The following TUSC3 variants were observed in gnomAD, a reference collection of about 807,000 sequenced individuals.
TUSC3 encodes the protein tumor suppressor candidate 3.
A neutral mutation model predicts 44.8 loss-of-function variants in TUSC3; 45 were observed. That is an observed-to-expected ratio of 1.00 (90% confidence interval 0.79 to 1.29). TUSC3 has a LOEUF of 1.29. Among genes scored for constraint, TUSC3 ranks in the 50% most tolerant of loss-of-function variants. The pLI is 0.00. For missense variants in TUSC3, 519 were observed against 437.9 expected (o/e 1.19, Z -1.65); for synonymous variants, 212 against 152.9 (o/e 1.39, Z -2.85).
intron 2 of TUSC3, among the ~76,000 whole-genome samples, chr8:15,501,008 A>G (rs1259341052): frequency 6.6e-6 from 1 of 152,200 alleles, no homozygotes; most frequent in African/African-American, 2.4e-5. Context: ...ATAATACCAA[A>G]TAACAGTTTT....
intron 7 of TUSC3, among the ~76,000 whole-genome samples, chr8:15,732,683 ATAAGG>A (rs1372717332): frequency 6.6e-6 from 1 of 152,208 alleles, no homozygotes; most frequent in African/African-American, 2.4e-5. Context: ...TGTATAACTT[ATAAGG>A]TAATACAAAG....
intron 1 of TUSC3, among the ~76,000 whole-genome samples, chr8:15,483,116 A>T (rs1800684166): frequency 6.6e-6 from 1 of 152,222 alleles, no homozygotes; most frequent in Non-Finnish European, 1.5e-5. Flanking sequence ...GGAAGAAAAG[A>T]ATAATTTGAG....
At chr8:15,851,147 T>C in the TUSC3 span, among the ~76,000 whole-genome samples, 526 of 152,356 alleles carry the variant, frequency 3.5e-3, 13 homozygotes, top group Admixed American at 0.03. Context: ...TTTCATCCTC[T>C]GGCCTTCAAA....
intron 1 of TUSC3, among the ~76,000 whole-genome samples, chr8:15,433,494 C>A (rs566085514): frequency 8.8e-4 from 134 of 152,136 alleles, no homozygotes; most frequent in African/African-American, 3.0e-3. Flanking sequence ...CATTATTCCT[C>A]AAATTTCCCT....
intron 1 of TUSC3, among the ~76,000 whole-genome samples, chr8:15,467,486 T>A (rs891485421): frequency 4.6e-5 from 7 of 152,274 alleles, no homozygotes; most frequent in African/African-American, 1.7e-4. Flanking sequence ...ACACTTCTAA[T>A]TTCTAAGCCT....
chr8:15,841,567 G>T, the TUSC3 span, among the ~76,000 whole-genome samples: 1 of 151,954 alleles, frequency 6.6e-6, no homozygotes, highest in East Asian at 1.9e-4. Flanking sequence ...AGGCTAGCGT[G>T]CAGTGGCAGG....
chr8:15,615,477 C>T (rs896923786), intron 1 of TUSC3, among the ~76,000 whole-genome samples: 1 of 152,014 alleles, frequency 6.6e-6, no homozygotes, highest in Non-Finnish European at 1.5e-5. Context: ...GAAAAGTAGG[C>T]AGGAGGGGAG....
intron 1 of TUSC3, among the ~76,000 whole-genome samples, chr8:15,433,916 G>C (rs982044774): frequency 6.6e-5 from 10 of 152,198 alleles, no homozygotes; most frequent in African/African-American, 1.9e-4. Context: ...CATAAAGCTA[G>C]GAATATTTTG....
intron 1 of TUSC3, among the ~76,000 whole-genome samples, chr8:15,445,591 C>G (rs1800085963): frequency 6.6e-6 from 1 of 152,140 alleles, no homozygotes; most frequent in Non-Finnish European, 1.5e-5. Context: ...CCATTTAACC[C>G]TGAGTGGACA....
At chr8:15,673,615 G>C (rs1003691562) in intron 5 of TUSC3, 132 bp from the exon 6 acceptor site, 36 of 767,380 alleles carry the variant, frequency 4.7e-5, no homozygotes, top group South Asian at 9.1e-5. Flanking sequence ...GTTAATAAGT[G>C]AAATTTTTTA....
At chr8:15,444,738 C>T (rs534543875) in intron 1 of TUSC3, among the ~76,000 whole-genome samples, 1 of 151,522 alleles carries the variant, frequency 6.6e-6, no homozygotes, top group South Asian at 2.1e-4. Context: ...TTCTCTAACT[C>T]AGAAATGTAG....
At chr8:15,760,258 C>T (rs1057252336) in intron 10 of TUSC3, among the ~76,000 whole-genome samples, 4 of 152,216 alleles carry the variant, frequency 2.6e-5, no homozygotes, top group Admixed American at 2.0e-4. Flanking sequence ...CCCAGGTCAT[C>T]AAATGTCATC....
At chr8:15,524,027 G>A (rs1025222397) in intron 2 of TUSC3, among the ~76,000 whole-genome samples, 2 of 146,100 alleles carry the variant, frequency 1.4e-5, no homozygotes, top group Non-Finnish European at 3.0e-5. Flanking sequence ...CTGCACTCCA[G>A]CTTGGCAACA....
chr8:15,783,834 A>G, the TUSC3 span, among the ~76,000 whole-genome samples: 79 of 152,338 alleles, frequency 5.2e-4, 1 homozygote, highest in African/African-American at 1.3e-3. Flanking sequence ...AGGACAGGCA[A>G]CAAAAGCAAA....
At chr8:15,831,906 T>C in the TUSC3 span, among the ~76,000 whole-genome samples, 50 of 152,210 alleles carry the variant, frequency 3.3e-4, no homozygotes, top group Non-Finnish European at 6.0e-4. Flanking sequence ...CCAACCTAGC[T>C]AGACAGGCCA....
intron 2 of TUSC3, among the ~76,000 whole-genome samples, chr8:15,523,527 T>C (rs778418729): frequency 2.6e-5 from 4 of 151,628 alleles, no homozygotes; most frequent in Non-Finnish European, 5.9e-5. Flanking sequence ...CATCAAGGTA[T>C]TGTGTTTTCT....
At chr8:15,508,821 C>T (rs981814048) in intron 2 of TUSC3, among the ~76,000 whole-genome samples, 41 of 152,250 alleles carry the variant, frequency 2.7e-4, no homozygotes, top group Non-Finnish European at 3.2e-4. Context: ...ATAACAAAAA[C>T]CAAAGTGTAT....
intron 6 of TUSC3, among the ~76,000 whole-genome samples, chr8:15,678,703 T>C (rs1229026950): frequency 6.6e-6 from 1 of 152,174 alleles, no homozygotes; most frequent in Non-Finnish European, 1.5e-5. Context: ...CAAGAGTATA[T>C]TGTGTGATGC....
At chr8:15,790,486 C>G in the TUSC3 span, among the ~76,000 whole-genome samples, 1 of 152,238 alleles carries the variant, frequency 6.6e-6, no homozygotes, top group Middle Eastern at 3.4e-3. Flanking sequence ...CCCGGCCTCA[C>G]CATGGCATTT....
Sources: gnomAD v4.1 joint callset for allele counts (sites outside exome capture counted in the v4.1 genomes callset) on GRCh38, gnomAD v4.1.1 for gene constraint, MANE v1.5 for transcripts, NCBI Gene and HGNC (gene_info 2026-07-23, HGNC 2026-07-21) for gene names.